The following ZBTB21 variants were observed in gnomAD, a reference collection of about 807,000 sequenced individuals.
ZBTB21 encodes the protein zinc finger and BTB domain containing 21.
Under a neutral mutation model 39.8 loss-of-function variants are expected in ZBTB21, and 10 were observed. The observed-to-expected ratio is 0.25, with a 90% CI of 0.16 to 0.43. The LOEUF is 0.43. ZBTB21 is among the 20% of genes least tolerant of loss of function. ZBTB21 has a pLI of 1.00. For synonymous variants in ZBTB21, 551 were observed against 498.8 expected (o/e 1.10, Z -1.40); for missense variants, 1,221 against 1,296.3 (o/e 0.94, Z 0.89).
Position 41,992,703 on chromosome 21 carries a change from C to G in ZBTB21, c.1393G>C (p.Asp465His), listed in dbSNP as rs1569104545. The stretch of plus-strand genomic sequence containing the variant: ...TCATCTTCTGTTTTCAGAGACAGGT[C>G]TCTTGTGACCGACGAAGATGAGGCA... Reference protein sequence around the residue: ...AAASSSSVTRDLSLKTEDDQK... With the variant: ...AAASSSSVTRHLSLKTEDDQK... Residue 465 changes from aspartate to histidine, a missense_variant, in exon 3 of 3, where the codon GAC (aspartate) becomes CAC (histidine). Asp to His is a moderately conservative substitution (Grantham distance 81). Around this residue, in one of 4 missense-constraint regions of ZBTB21, gnomAD observed 500 missense variants for 465.6 expected, o/e 1.07. Coordinates refer to ENST00000310826, the MANE Select transcript of ZBTB21 (RefSeq NM_001098402.2). The surrounding 1 kb of genome is among the most constrained non-coding windows in gnomAD (Gnocchi z 4.1). 6.2e-7 allele frequency: 1 copy of G among 1,614,196 alleles called. No homozygotes were observed. Among genetic ancestry groups the G allele is most frequent in the Non-Finnish European group, 8.5e-7 (1 of 1,180,046 alleles).
At chr21:42,004,985 T>C (rs1021439529) in intron 1 of ZBTB21, among the ~76,000 whole-genome samples, 13 of 152,242 alleles carry the variant, frequency 8.5e-5, no homozygotes, top group African/African-American at 3.1e-4. Context: ...AAACCTAGAC[T>C]AGCTTATCCA....
rs1212850010 is a variant in ZBTB21, at chr21:41,989,003, A to T, written c.*1892T>A. The T allele has an allele frequency of 6.6e-6, 1 of 152,148 alleles. No individual in the cohort carries two copies. The highest frequency in any genetic ancestry group is 2.4e-5 in the African/African-American group (1 of 41,436). 9.4% of individuals were successfully genotyped at this position (152,148 alleles called of 1,614,324 possible). On this transcript the variant is annotated 3_prime_UTR_variant, in exon 3 of 3. Coordinates refer to ENST00000310826, the MANE Select transcript of ZBTB21 (RefSeq NM_001098402.2). ...ACCACATTATACGCGGAATGAATTC[A>T]ATGTACAATAATCCATCCTGATGTT...
At position 41,990,844 on chromosome 21, in the gene ZBTB21, T is replaced by C. The variant is rs1294479628; in HGVS notation, c.*51A>G. The C allele has an allele frequency of 7.2e-7, 1 of 1,392,362 alleles. No homozygotes were observed. Among genetic ancestry groups the C allele is most frequent in the Admixed American group, 2.7e-5 (1 of 36,700 alleles). The allele number at this position is 1,392,362 out of a possible 1,614,324, so 86.3% of individuals were successfully genotyped here. ...TTGTTTCTTATGACACATTTCACAA[T>C]TCAGGTTGAAATCTGGGGACTGCCT... is the stretch of plus-strand genomic sequence containing the variant. On this transcript the variant is annotated 3_prime_UTR_variant, in exon 3 of 3. Coordinates refer to ENST00000310826, the MANE Select transcript of ZBTB21 (RefSeq NM_001098402.2).
chr21:42,002,563 T>C (rs1261937474), intron 2 of ZBTB21: 3 of 152,198 alleles, frequency 2.0e-5, no homozygotes, highest in Admixed American at 2.0e-4. Context: ...ATTTTTCAGA[T>C]CTAGACCGAT....
intron 1 of ZBTB21, among the ~76,000 whole-genome samples, chr21:42,009,970 A>G (rs2065940477): frequency 6.6e-6 from 1 of 152,134 alleles, no homozygotes; most frequent in African/African-American, 2.4e-5. Context: ...CCCGTGAGGG[A>G]ATGGAGCATG....
chr21:41,993,829 A>G lies in ZBTB21; in HGVS notation c.267T>C (p.Ser89=), dbSNP rs370568245. 1.2e-5 allele frequency: 19 copies of G among 1,614,256 alleles called. No individual in the cohort carries two copies. The highest frequency in any genetic ancestry group is 1.5e-5 in the Non-Finnish European group (18 of 1,180,040). ...TGCTCTTCTCAACAAATAGAGAGGA[A>G]GAATAAATGTAGTTTAAAACATTAT... ...AFDNVLNYIY[S]SSLFVEKSSL... The change falls in exon 3 of 3, where the codon TCT becomes TCC. Residue 89 remains serine, a synonymous_variant. Transcript: ENST00000310826.
intron 1 of ZBTB21, among the ~76,000 whole-genome samples, chr21:42,010,019 G>A (rs1348901551): frequency 2.0e-5 from 3 of 152,266 alleles, no homozygotes; most frequent in Admixed American, 6.5e-5. Context: ...GGCAGGGAGC[G>A]TGCGCAGTGT....
rs1569101869 is a variant in ZBTB21 at position 41,991,529 on chromosome 21, A to C, written c.2567T>G (p.Phe856Cys). 2.5e-6 allele frequency: 4 copies of C among 1,614,226 alleles called. No homozygotes were observed. Among genetic ancestry groups the C allele is most frequent in the Non-Finnish European group, 3.4e-6 (4 of 1,180,048 alleles). Residue 856 changes from phenylalanine to cysteine, a missense_variant, in exon 3 of 3, where the codon TTC (phenylalanine) becomes TGC (cysteine). By Grantham distance (205) the Phe-to-Cys change is radical. Coordinates refer to ENST00000310826, the MANE Select transcript of ZBTB21 (RefSeq NM_001098402.2). This position sits in a 1 kb window ranked among gnomAD's most constrained non-coding sequence, Gnocchi z 4.9. ...VFSDSSEQVN[F>C]DSEDSSCLPE... ...AAGACAAGAGGAATCTTCCGAGTCG[A>C]AGTTAACTTGTTCTGAAGAATCACT...
At chr21:41,998,041 T>C (rs181102821) in intron 2 of ZBTB21, among the ~76,000 whole-genome samples, 2 of 152,244 alleles carry the variant, frequency 1.3e-5, no homozygotes, top group African/African-American at 4.8e-5. Flanking sequence ...GCAGGATTAA[T>C]AGGCATCTAA....
In ZBTB21 at chr21:41,990,814, A is replaced by G; in HGVS notation, c.*81T>C. The G allele has an allele frequency of 7.6e-7, 1 of 1,316,448 alleles. No individual in the cohort carries two copies. The allele number at this position is 1,316,448 out of a possible 1,614,324, so 81.5% of individuals were successfully genotyped here. ...AACCTTTATTATTCTTGTTTAAAAA[A>G]TATTTTGTTTCTTATGACACATTTC... On this transcript the variant is annotated 3_prime_UTR_variant, in exon 3 of 3. Transcript: ENST00000310826.
chr21:42,006,009 C>T (rs1254460403), intron 1 of ZBTB21, among the ~76,000 whole-genome samples: 1 of 152,180 alleles, frequency 6.6e-6, no homozygotes, highest in Admixed American at 6.5e-5. Flanking sequence ...TGAAGAGAAC[C>T]AGCTTTGATC....
At position 41,991,722 on chromosome 21, in the gene ZBTB21, G is replaced by T; in HGVS notation, c.2374C>A (p.Arg792=). The T allele has an allele frequency of 6.2e-7, 1 of 1,614,202 alleles. No homozygotes were observed. Among genetic ancestry groups the T allele is most frequent in the Non-Finnish European group, 8.5e-7 (1 of 1,180,028 alleles). The change falls in exon 3 of 3, where the codon CGG becomes AGG. Residue 792 remains arginine (R), a synonymous_variant. Transcript: ENST00000310826. This position sits in a 1 kb window ranked among gnomAD's most constrained non-coding sequence, Gnocchi z 4.9. The stretch of plus-strand genomic sequence containing the variant: ...TGATTATGGACTTCAACCTGGTGCC[G>T]CCAGATGCTGAAAGAGGACTTGAAG... ...RTFKSSFSIW[R]HQVEVHNQNN...
rs376049066 is a variant in ZBTB21, at chr21:41,991,528, G to A, written c.2568C>T (p.Phe856=). The change falls in exon 3 of 3, where the codon TTC becomes TTT. Residue 856 remains phenylalanine, a synonymous_variant. Coordinates refer to ENST00000310826, the MANE Select transcript of ZBTB21 (RefSeq NM_001098402.2). This position sits in a 1 kb window ranked among gnomAD's most constrained non-coding sequence, Gnocchi z 4.9. Reference sequence around the variant, plus strand: ...GAAGACAAGAGGAATCTTCCGAGTCGAAGTTAACTTGTTCTGAAGAATCAC... The same window carrying A: ...GAAGACAAGAGGAATCTTCCGAGTCAAAGTTAACTTGTTCTGAAGAATCAC... ...VFSDSSEQVN[F]DSEDSSCLPE... 5.3e-5 allele frequency: 85 copies of A among 1,614,054 alleles called. No homozygotes were observed. The highest frequency in any genetic ancestry group is 6.7e-5 in the African/African-American group (5 of 74,922).
In ZBTB21 at chr21:41,991,518, C is replaced by A; in HGVS notation, c.2578G>T (p.Asp860Tyr). The A allele has an allele frequency of 1.2e-6, 2 of 1,614,196 alleles. No homozygotes were observed. Among genetic ancestry groups the A allele is most frequent in the African/African-American group, 2.7e-5 (2 of 75,036 alleles). Residue 860 changes from aspartate (D) to tyrosine (Y), a missense_variant, in exon 3 of 3, where the codon GAT becomes TAT. Around this residue, in one of 4 missense-constraint regions of ZBTB21, gnomAD observed 523 missense variants for 542.5 expected, o/e 0.96. Transcript: ENST00000310826. This position sits in a 1 kb window ranked among gnomAD's most constrained non-coding sequence, Gnocchi z 4.9. ...AGGTCTTCGGGAAGACAAGAGGAAT[C>A]TTCCGAGTCGAAGTTAACTTGTTCT... is the stretch of plus-strand genomic sequence containing the variant. ...SSEQVNFDSE[D>Y]SSCLPEDLSL...
chr21:41,995,910 C>T (rs1383814070), intron 2 of ZBTB21, among the ~76,000 whole-genome samples: 2 of 152,238 alleles, frequency 1.3e-5, no homozygotes, highest in Admixed American at 1.3e-4. Context: ...AGCTCCAAGC[C>T]TTGGCGGCTT....
rs1228756647 is a variant in ZBTB21 at position 41,988,684 on chromosome 21, A to G, written c.*2211T>C. On this transcript the variant is annotated 3_prime_UTR_variant, in exon 3 of 3. Transcript: ENST00000310826. ...TTGAAATCTTATATTCCTTGCTTAG[A>G]CAAAAATGTGAAGACAAAACACCAG... 1 of 152,182 alleles carries G rather than the reference A, an allele frequency of 6.6e-6. No individual in the cohort carries two copies. The highest frequency in any genetic ancestry group is 2.4e-5 in the African/African-American group (1 of 41,456). 9.4% of individuals were successfully genotyped at this position (152,182 alleles called of 1,614,324 possible).
At chr21:42,000,520 G>A (rs530398245) in intron 2 of ZBTB21, among the ~76,000 whole-genome samples, 1 of 152,216 alleles carries the variant, frequency 6.6e-6, no homozygotes, top group East Asian at 1.9e-4. Flanking sequence ...CTAAACCAAG[G>A]GGAGTTTTCT....
Position 41,989,296 on chromosome 21 carries a change from A to G in ZBTB21, c.*1599T>C, listed in dbSNP as rs2065619381. 3 of 152,120 alleles carry G rather than the reference A, an allele frequency of 2.0e-5. No individual in the cohort carries two copies. Among genetic ancestry groups the G allele is most frequent in the Admixed American group, 6.5e-5 (1 of 15,280 alleles). 9.4% of individuals were successfully genotyped at this position (152,120 alleles called of 1,614,324 possible). ...GTCTGGTTCAATAAAAAAAATGAGAATATCTTTCCTACCACTGGTATGGAA... is the reference window on the plus strand; with the variant it reads ...GTCTGGTTCAATAAAAAAAATGAGAGTATCTTTCCTACCACTGGTATGGAA... On this transcript the variant is annotated 3_prime_UTR_variant, in exon 3 of 3. Transcript: ENST00000310826.
rs766552756 is a variant in ZBTB21, at chr21:41,990,898, A to G, written c.3198T>C (p.Asn1066=). The change falls in exon 3 of 3, where the codon AAT becomes AAC. Residue 1066 remains asparagine, a synonymous_variant. Transcript: ENST00000310826. Reference sequence around the variant, plus strand: ...ATAGGTAAAAAGTGTTGGTCTTTCAATTGTGTGTTTGTTCGTGACTCCAAA... The same window carrying G: ...ATAGGTAAAAAGTGTTGGTCTTTCAGTTGTGTGTTTGTTCGTGACTCCAAA... ...FSLWSHEQTH[N] is the part of the protein sequence containing the mutation. 1.4e-6 allele frequency: 2 copies of G among 1,461,638 alleles called. No individual in the cohort carries two copies. The highest frequency in any genetic ancestry group is 2.4e-5 in the East Asian group (1 of 41,176). 90.5% of individuals were successfully genotyped at this position (1,461,638 alleles called of 1,614,324 possible).
Sources: allele counts gnomAD v4.1 joint callset (sites outside exome capture counted in the v4.1 genomes callset), GRCh38; gene constraint gnomAD v4.1.1; regional missense constraint gnomAD v4.1.1; non-coding constraint Gnocchi (gnomAD v3.1); transcripts MANE v1.5; gene names NCBI Gene and HGNC (gene_info 2026-07-23, HGNC 2026-07-21).